PPP1R37: variants seen among roughly 807,000 people sequenced by gnomAD.
The protein encoded by PPP1R37 is leucine rich repeat containing 68.
In PPP1R37, 21 loss-of-function variants were observed where a neutral mutation model predicts 61.0. That is an observed-to-expected ratio of 0.34 (90% CI 0.24 to 0.50). The LOEUF is 0.50. PPP1R37 is among the 20% of genes least tolerant of loss of function. PPP1R37 has a pLI of 0.98. For synonymous variants in PPP1R37, 443 were observed against 433.5 expected, an observed-to-expected ratio of 1.02 and a Z score of -0.27; for missense variants, 910 against 952.7, an observed-to-expected ratio of 0.96 and a Z score of 0.59.
chr19:45,102,848 A>G (rs1385637134), intron 1 of PPP1R37, among the ~76,000 whole-genome samples: 1 of 152,132 alleles, frequency 6.6e-6, no homozygotes, highest in Non-Finnish European at 1.5e-5. Flanking sequence ...CTCCTGTTAC[A>G]TAGCCGCCAC....
intron 2 of PPP1R37, among the ~76,000 whole-genome samples, chr19:45,139,282 C>T (rs1001047502): frequency 1.3e-5 from 2 of 152,282 alleles, no homozygotes; most frequent in Non-Finnish European, 2.9e-5. Flanking sequence ...AAAAATACTA[C>T]AGATCTGAAA....
At chr19:45,105,202 C>T (rs1345889644) in intron 1 of PPP1R37, among the ~76,000 whole-genome samples, 1 of 152,176 alleles carries the variant, frequency 6.6e-6, no homozygotes, top group East Asian at 1.9e-4. Flanking sequence ...CTAGCATAGT[C>T]CCTGGTCCAG....
chr19:45,093,544 A>C lies in PPP1R37; in HGVS notation c.202+17A>C, dbSNP rs1229759221. 6.6e-7 allele frequency: 1 copy of C among 1,525,966 alleles called. No individual in the cohort carries two copies. The allele number at this position is 1,525,966 out of a possible 1,614,324, so 94.5% of individuals were successfully genotyped here. A position where few individuals can be genotyped will look rare whatever the true frequency, so the allele number is the denominator to read the frequency against. On this transcript the variant is annotated intron_variant, in intron 1 of 12. Transcript: ENST00000221462. The stretch of plus-strand genomic sequence containing the variant: ...GGAGACATGGTAGCTACCGCGGGTG[A>C]AGCGGGGGCGGGCTCGAGAGGGACC...
intron 2 of PPP1R37, among the ~76,000 whole-genome samples, chr19:45,139,815 A>T (rs1453818940): frequency 6.6e-6 from 1 of 152,108 alleles, no homozygotes; most frequent in Non-Finnish European, 1.5e-5. Flanking sequence ...GTGGGTTCTG[A>T]CTGGGTGCTG....
At chr19:45,108,319 C>G (rs951731974) in intron 1 of PPP1R37, among the ~76,000 whole-genome samples, 1 of 152,166 alleles carries the variant, frequency 6.6e-6, no homozygotes. Flanking sequence ...AAGCCATTCT[C>G]CTGCCTTAGC....
At chr19:45,103,273 G>A (rs2122710845) in intron 1 of PPP1R37, among the ~76,000 whole-genome samples, 1 of 152,352 alleles carries the variant, frequency 6.6e-6, no homozygotes, top group South Asian at 2.1e-4. Flanking sequence ...GGAAGTGTCT[G>A]CTGACATCCG....
At chr19:45,137,388 T>G (rs939858643) in intron 1 of PPP1R37, among the ~76,000 whole-genome samples, 3 of 152,218 alleles carry the variant, frequency 2.0e-5, no homozygotes, top group Non-Finnish European at 4.4e-5. Flanking sequence ...GCCACACAGT[T>G]TCAATTCCAT....
At chr19:45,131,377 C>G (rs1968474979) in intron 1 of PPP1R37, among the ~76,000 whole-genome samples, 1 of 152,220 alleles carries the variant, frequency 6.6e-6, no homozygotes, top group East Asian at 1.9e-4. Context: ...CGCCCCAGCC[C>G]TTCCCCTCCT....
intron 1 of PPP1R37, among the ~76,000 whole-genome samples, chr19:45,122,940 C>T (rs1339999265): frequency 6.6e-6 from 1 of 152,212 alleles, no homozygotes; most frequent in Non-Finnish European, 1.5e-5. Flanking sequence ...CTGTGCAGCT[C>T]ACTGCCAGAT....
Position 45,142,306 on chromosome 19 carries a change from C to A in PPP1R37, c.722C>A (p.Thr241Lys). The A allele has an allele frequency of 6.5e-7, 1 of 1,535,984 alleles. No homozygotes were observed. The highest frequency in any genetic ancestry group is 8.7e-7 in the Non-Finnish European group (1 of 1,146,816). ...CGTGCCCCCTCCCCGTCCCCAGCCA[C>A]GGCCCTGAAGATGAACATGAACCTG... ...LSGRPLMLLA[T>K]ALKMNMNLRE... Residue 241 changes from threonine (T) to lysine (K), a missense_variant, in exon 7 of 13, where the codon ACG (threonine) becomes AAG (lysine). This residue lies in a region of PPP1R37 where 280 missense variants were observed against 382.2 expected (regional missense o/e 0.73). Transcript: ENST00000221462.
chr19:45,108,335 G>A (rs1479224466), intron 1 of PPP1R37, among the ~76,000 whole-genome samples: 7 of 151,972 alleles, frequency 4.6e-5, no homozygotes, highest in Admixed American at 1.3e-4. Flanking sequence ...TTAGCCTCCC[G>A]AGTAGCTGGG....
At chr19:45,145,316 C>T in intron 10 of PPP1R37, 37 bp from the exon 11 acceptor site, 10 of 1,522,338 alleles carry the variant, frequency 6.6e-6, no homozygotes, top group Middle Eastern at 1.7e-4. Context: ...GGTGGTGGGG[C>T]CGGCCTGAGA....
rs1213563791 is a variant in PPP1R37 at position 45,093,460 on chromosome 19, C to T, written c.135C>T (p.Arg45=). Residue 45 remains arginine (R), a synonymous_variant, in exon 1 of 13, where the codon CGC becomes CGT. Coordinates refer to ENST00000221462, the MANE Select transcript of PPP1R37 (RefSeq NM_019121.2). ...ADGRLKAAAK[R]VTFPSDEDIV... is the part of the protein sequence containing the mutation. The stretch of plus-strand genomic sequence containing the variant: ...GGCGCCTCAAGGCTGCAGCCAAGCG[C>T]GTCACATTCCCGTCCGACGAGGATA... The T allele has an allele frequency of 1.3e-6, 2 of 1,535,466 alleles. No homozygotes were observed. The highest frequency in any genetic ancestry group is 1.4e-5 in the African/African-American group (1 of 73,022).
Position 45,144,839 on chromosome 19 carries a change from A to AC in PPP1R37, c.988-10dup. The AC allele has an allele frequency of 6.6e-7, 1 of 1,519,712 alleles. No individual in the cohort carries two copies. 94.1% of individuals were successfully genotyped at this position (1,519,712 alleles called of 1,614,324 possible). A position where few individuals can be genotyped will look rare whatever the true frequency, so the allele number is the denominator to read the frequency against. ...ATCACGGCCTCCTCCTCACCCTCAC[A>AC]CCCCCTCCCTCCAGCCGCACACTCA... is the stretch of plus-strand genomic sequence containing the variant. On this transcript the variant is annotated splice_polypyrimidine_tract_variant and intron_variant, in intron 8 of 12. Transcript: ENST00000221462.
chr19:45,112,081 G>A (rs1391147439), intron 1 of PPP1R37, among the ~76,000 whole-genome samples: 1 of 151,632 alleles, frequency 6.6e-6, no homozygotes, highest in African/African-American at 2.4e-5. Context: ...CGATTCTCCT[G>A]CCTCAGCCTC....
At chr19:45,144,014 A>G (rs1023735062) in intron 8 of PPP1R37, 1 of 153,182 alleles carries the variant, frequency 6.5e-6, no homozygotes, top group African/African-American at 2.5e-5. Context: ...CAATTTTTTT[A>G]TTTTTTATTT....
At chr19:45,136,227 A>G (rs1968537494) in intron 1 of PPP1R37, 1 of 151,954 alleles carries the variant, frequency 6.6e-6, no homozygotes, top group Non-Finnish European at 1.5e-5. Context: ...CTTCAGTCTC[A>G]GAGTAGTGAT....
rs969359925 is a variant in PPP1R37, at chr19:45,146,779, C to T, written c.*217C>T. 1 of 312,796 alleles carries T rather than the reference C, an allele frequency of 3.2e-6. No homozygotes were observed. Among genetic ancestry groups the T allele is most frequent in the Non-Finnish European group, 6.2e-6 (1 of 161,318 alleles). 19.4% of individuals were successfully genotyped at this position (312,796 alleles called of 1,614,324 possible). A position where few individuals can be genotyped will look rare whatever the true frequency, so the allele number is the denominator to read the frequency against. ...CAAGCACTTCTATTTATGAGCCCAG[C>T]ACTGGAAGACTCTGGGGGTGAATGG... On this transcript the variant is annotated 3_prime_UTR_variant, in exon 13 of 13. Coordinates refer to ENST00000221462, the MANE Select transcript of PPP1R37 (RefSeq NM_019121.2).
At chr19:45,106,020 G>T (rs1968125550) in intron 1 of PPP1R37, among the ~76,000 whole-genome samples, 1 of 152,216 alleles carries the variant, frequency 6.6e-6, no homozygotes. Flanking sequence ...CAACAGGCGG[G>T]GCCATCTGAC....
Sources: gnomAD v4.1 joint callset for allele counts (sites outside exome capture counted in the v4.1 genomes callset) on GRCh38, gnomAD v4.1.1 for gene constraint, gnomAD v4.1.1 regional missense constraint, MANE v1.5 for transcripts, NCBI Gene and HGNC (gene_info 2026-07-23, HGNC 2026-07-21) for gene names.